The following FABP7 variants were observed in gnomAD, a reference collection of about 807,000 sequenced individuals.
The protein encoded by FABP7 is fatty acid-binding protein, brain.
Under a neutral mutation model 14.2 loss-of-function variants are expected in FABP7, and 13 were observed. The ratio of observed to expected loss-of-function variants is 0.91; its 90% CI spans 0.59 to 1.45. The LOEUF (loss-of-function observed/expected upper bound fraction) is 1.45. FABP7 is among the 40% of genes most tolerant of loss of function. The pLI is 0.00. For missense variants in FABP7, 149 were observed against 157.6 expected (o/e 0.95, Z 0.29); for synonymous variants, 49 against 51.4 (o/e 0.95, Z 0.20).
the FABP7 span, among the ~76,000 whole-genome samples, chr6:122,774,319 G>A: frequency 4.2e-5 from 5 of 120,070 alleles, no homozygotes; most frequent in East Asian, 2.7e-4. Context: ...CCCAGATCAG[G>A]CCACTGCACT....
chr6:122,778,355 T>C (rs1467569749), upstream of FABP7, among the ~76,000 whole-genome samples: 1 of 152,122 alleles, frequency 6.6e-6, no homozygotes, highest in Admixed American at 6.6e-5. Context: ...AGAAAAGCAG[T>C]TGTGAAGGAA....
At chr6:122,782,375 T>C (rs1411356832) in intron 3 of FABP7, 1 of 521,204 alleles carries the variant, frequency 1.9e-6, no homozygotes, top group Non-Finnish European at 2.5e-6. Flanking sequence ...ACTTCCCGGA[T>C]GGCTCCTGGC....
the FABP7 span, among the ~76,000 whole-genome samples, chr6:122,759,572 T>C: frequency 2.6e-5 from 4 of 152,226 alleles, no homozygotes; most frequent in Non-Finnish European, 5.9e-5. Context: ...CTAAGCACTT[T>C]ATTTGTAGTA....
intron 2 of FABP7, 43 bp downstream of exon 2, chr6:122,780,506 G>C (rs1361950072): frequency 1.3e-6 from 2 of 1,567,290 alleles, no homozygotes; most frequent in Non-Finnish European, 1.7e-6. Context: ...GGGGAGAGGG[G>C]AATAAAGATA....
the FABP7 span, among the ~76,000 whole-genome samples, chr6:122,756,173 A>G: frequency 6.6e-6 from 1 of 152,140 alleles, no homozygotes; most frequent in Non-Finnish European, 1.5e-5. Context: ...ACTCCCCTGC[A>G]TTCTTTTGTA....
In FABP7 at chr6:122,779,750, C is replaced by T; in HGVS notation, c.-45C>T. The T allele has an allele frequency of 6.3e-7, 1 of 1,588,844 alleles. No individual in the cohort carries two copies. Among genetic ancestry groups the T allele is most frequent in the Non-Finnish European group, 8.6e-7 (1 of 1,158,104 alleles). ...CTTCTGAGCTGCAGTGGCAATTAGA[C>T]CAGAAGATCCCCGCTCCTGTCTCTA... On this transcript the variant is annotated 5_prime_UTR_variant, in exon 1 of 4. Transcript: ENST00000368444.
the FABP7 span, among the ~76,000 whole-genome samples, chr6:122,749,604 A>T: frequency 2.7e-3 from 413 of 152,264 alleles, 1 homozygote; most frequent in African/African-American, 9.6e-3. Flanking sequence ...ATCACTTCAT[A>T]TATATCCTTT....
At chr6:122,777,203 C>A (rs143405245), upstream of FABP7, among the ~76,000 whole-genome samples, 391 of 152,236 alleles carry the variant, frequency 2.6e-3, 8 homozygotes, top group Admixed American at 0.022. Context: ...ACTTACACAT[C>A]CTACCACTTT....
At chr6:122,770,870 C>G in the FABP7 span, among the ~76,000 whole-genome samples, 10 of 152,294 alleles carry the variant, frequency 6.6e-5, no homozygotes, top group South Asian at 2.1e-3. Context: ...TTATCTGATT[C>G]ATGCTCTGCA....
chr6:122,754,264 A>G, the FABP7 span, among the ~76,000 whole-genome samples: 9 of 152,178 alleles, frequency 5.9e-5, no homozygotes, highest in African/African-American at 2.2e-4. Context: ...TCACTTAAGG[A>G]TGGTCTTCAG....
At chr6:122,782,228 GC>G in intron 3 of FABP7, 2 of 970,408 alleles carry the variant, frequency 2.1e-6, no homozygotes, top group Non-Finnish European at 2.5e-6. Flanking sequence ...TCCTAAGGCT[GC>G]CACAACAAAG....
At chr6:122,753,196 T>C in the FABP7 span, among the ~76,000 whole-genome samples, 2 of 152,160 alleles carry the variant, frequency 1.3e-5, no homozygotes, top group African/African-American at 2.4e-5. Context: ...GCAGGGTAAC[T>C]TGGGCTATCT....
the FABP7 span, among the ~76,000 whole-genome samples, chr6:122,768,058 G>T: frequency 1.3e-5 from 2 of 152,074 alleles, no homozygotes; most frequent in African/African-American, 2.4e-5. Flanking sequence ...AGGCAAATGG[G>T]CAGGAGAACA....
At chr6:122,779,665 T>C (rs1261255802), upstream of FABP7, 6 of 773,122 alleles carry the variant, frequency 7.8e-6, no homozygotes, top group Non-Finnish European at 1.3e-5. Flanking sequence ...AATCACTGGA[T>C]TTTTGCCCAC....
At chr6:122,766,371 T>A in the FABP7 span, among the ~76,000 whole-genome samples, 1 of 151,936 alleles carries the variant, frequency 6.6e-6, no homozygotes, top group South Asian at 2.1e-4. Flanking sequence ...AGAAAGACTG[T>A]GCAGGAAAGA....
chr6:122,777,323 T>A (rs916135910), upstream of FABP7, among the ~76,000 whole-genome samples: 8 of 152,184 alleles, frequency 5.3e-5, no homozygotes, highest in African/African-American at 1.9e-4. Context: ...ATCGGAATTT[T>A]AGCTGTAAAC....
At chr6:122,762,039 A>G in the FABP7 span, among the ~76,000 whole-genome samples, 1 of 152,196 alleles carries the variant, frequency 6.6e-6, no homozygotes, top group East Asian at 1.9e-4. Flanking sequence ...AACTCATTTT[A>G]TGAGGCCAGC....
At chr6:122,778,637 G>A (rs143918112), upstream of FABP7, among the ~76,000 whole-genome samples, 1 of 152,230 alleles carries the variant, frequency 6.6e-6, no homozygotes, top group African/African-American at 2.4e-5. Flanking sequence ...TGGGTGAAGG[G>A]GAATTTCAGA....
At chr6:122,755,615 G>A in the FABP7 span, among the ~76,000 whole-genome samples, 44 of 151,358 alleles carry the variant, frequency 2.9e-4, no homozygotes, top group Non-Finnish European at 3.2e-4. Flanking sequence ...CACCACGCCC[G>A]GCTAATTTTT....
Sources: allele counts gnomAD v4.1 joint callset (sites outside exome capture counted in the v4.1 genomes callset), GRCh38; gene constraint gnomAD v4.1.1; transcripts MANE v1.5; gene names NCBI Gene and HGNC (gene_info 2026-07-23, HGNC 2026-07-21).